Variants in STX18 observed in about 807,000 individuals in gnomAD.
STX18 encodes the protein syntaxin 18.
STX18 carries 40 observed loss-of-function variants against 50.1 expected under a neutral mutation model. The ratio of observed to expected loss-of-function variants is 0.80; its 90% CI spans 0.62 to 1.04. The LOEUF (loss-of-function observed/expected upper bound fraction) is 1.04. STX18 is among the 50% of genes least tolerant of loss of function. The pLI, the probability that STX18 is intolerant of heterozygous loss-of-function variation, is 0.00. For missense variants in STX18, 410 were observed against 415.8 expected, an observed-to-expected ratio of 0.99 and a Z score of 0.12; for synonymous variants, 158 against 151.8, an observed-to-expected ratio of 1.04 and a Z score of -0.30.
intron 5 of STX18, among the ~76,000 whole-genome samples, chr4:4,454,519 G>C (rs2108812109): frequency 6.6e-6 from 1 of 152,276 alleles, no homozygotes; most frequent in Middle Eastern, 3.4e-3. Flanking sequence ...GTGAGACCCA[G>C]TGACCACCAC....
chr4:4,500,564 C>T (rs1387880570), intron 1 of STX18, among the ~76,000 whole-genome samples: 1 of 152,166 alleles, frequency 6.6e-6, no homozygotes, highest in Non-Finnish European at 1.5e-5. Context: ...CAGAGGGAGT[C>T]CTGAAACCAA....
At position 4,425,074 on chromosome 4, in the gene STX18, G is replaced by C. The variant is rs974714162; in HGVS notation, c.761+90C>G. On this transcript the variant is annotated intron_variant, in intron 8 of 10. Transcript: ENST00000306200. ...CTGCACCAGCCCAAGGGCCCCATGGGGATGCCTGGGCACCAAGGTAAATAA... is the reference window on the plus strand; with the variant it reads ...CTGCACCAGCCCAAGGGCCCCATGGCGATGCCTGGGCACCAAGGTAAATAA... 2.2e-5 allele frequency: 27 copies of C among 1,245,438 alleles called. No homozygotes were observed. The African/African-American group carries it at 2.4e-4, about 11-fold the overall frequency. The allele number at this position is 1,245,438 out of a possible 1,614,324, so 77.1% of individuals were successfully genotyped here. A position where few individuals can be genotyped will look rare whatever the true frequency, so the allele number is the denominator to read the frequency against.
At chr4:4,427,752 C>T (rs1167237981) in intron 7 of STX18, among the ~76,000 whole-genome samples, 1 of 152,234 alleles carries the variant, frequency 6.6e-6, no homozygotes, top group Non-Finnish European at 1.5e-5. Flanking sequence ...GCGGCACCTC[C>T]TCTTAGGCCT....
intron 1 of STX18, among the ~76,000 whole-genome samples, chr4:4,501,353 C>T (rs1010646300): frequency 2.0e-5 from 3 of 152,180 alleles, no homozygotes; most frequent in Admixed American, 2.0e-4. Context: ...GCAGGCAGGC[C>T]ACACTCCAGG....
At chr4:4,521,065 T>C (rs977533672) in intron 1 of STX18, among the ~76,000 whole-genome samples, 18 of 152,138 alleles carry the variant, frequency 1.2e-4, no homozygotes, top group South Asian at 2.1e-4. Context: ...TACTCACCCA[T>C]CTAACCCACC....
In STX18 at chr4:4,457,318, T is replaced by C. The variant is rs148358484; in HGVS notation, c.431-61A>G. On this transcript the variant is annotated intron_variant, in intron 4 of 10. Coordinates refer to ENST00000306200, the MANE Select transcript of STX18 (RefSeq NM_016930.4). ...TAAAACAGCTTCTCAGGCAAAGCCA[T>C]CATTAAATATAATGAGATACTACAG... 2.0e-3 allele frequency: 3,106 copies of C among 1,577,756 alleles called. 26 individuals carry two copies. The highest frequency in any genetic ancestry group is 0.017 in the East Asian group (744 of 44,680).
chr4:4,505,537 T>A (rs758455013), intron 1 of STX18, among the ~76,000 whole-genome samples: 80 of 151,976 alleles, frequency 5.3e-4, no homozygotes, highest in Admixed American at 2.2e-3. Flanking sequence ...CCCAGCACTC[T>A]GGGAGGCCGA....
intron 1 of STX18, among the ~76,000 whole-genome samples, chr4:4,484,014 A>G: frequency 6.6e-6 from 1 of 152,022 alleles, no homozygotes; most frequent in Non-Finnish European, 1.5e-5. Flanking sequence ...GGTGCGTGCC[A>G]CCATGCCCAG....
intron 7 of STX18, among the ~76,000 whole-genome samples, chr4:4,427,958 T>C (rs1057286951): frequency 2.6e-5 from 4 of 152,214 alleles, no homozygotes; most frequent in African/African-American, 9.6e-5. Flanking sequence ...GGAGTTTTAA[T>C]GGAGAGCCGC....
intron 1 of STX18, among the ~76,000 whole-genome samples, chr4:4,489,645 T>C (rs1040376977): frequency 1.3e-5 from 2 of 152,022 alleles, no homozygotes; most frequent in Non-Finnish European, 2.9e-5. Context: ...TTTCTAGAAT[T>C]TAAAGAAACT....
At chr4:4,506,687 A>G (rs1241003307) in intron 1 of STX18, among the ~76,000 whole-genome samples, 2 of 152,214 alleles carry the variant, frequency 1.3e-5, no homozygotes, top group Non-Finnish European at 2.9e-5. Context: ...TATAGATACT[A>G]TGTTTTTTCT....
intron 1 of STX18, among the ~76,000 whole-genome samples, chr4:4,488,305 T>C (rs1384241201): frequency 6.6e-6 from 1 of 151,876 alleles, no homozygotes; most frequent in Non-Finnish European, 1.5e-5. Flanking sequence ...CTACTGACAT[T>C]TAAAAAAAAA....
At chr4:4,491,310 A>G (rs766527904) in intron 1 of STX18, among the ~76,000 whole-genome samples, 10 of 152,098 alleles carry the variant, frequency 6.6e-5, no homozygotes, top group Non-Finnish European at 1.5e-4. Context: ...TATAAATCTA[A>G]TTTCACTTTT....
At chr4:4,481,431 G>A (rs1728455755) in intron 1 of STX18, among the ~76,000 whole-genome samples, 1 of 152,124 alleles carries the variant, frequency 6.6e-6, no homozygotes. Flanking sequence ...AGGTCCCTCT[G>A]GCATATTGTA....
At chr4:4,445,972 A>G (rs1161245474) in intron 5 of STX18, among the ~76,000 whole-genome samples, 1 of 152,250 alleles carries the variant, frequency 6.6e-6, no homozygotes, top group Non-Finnish European at 1.5e-5. Flanking sequence ...TGGCAGTAGC[A>G]TAAGGACAAT....
rs1282265014 is a variant in STX18, at chr4:4,436,015, C to T, written c.614-1157G>A. On this transcript the variant is annotated intron_variant, in intron 6 of 10. Coordinates refer to ENST00000306200, the MANE Select transcript of STX18 (RefSeq NM_016930.4). The stretch of plus-strand genomic sequence containing the variant: ...GGGCTTATCAGTGAGCTTCCAAGTA[C>T]TCAAAGGCAAATACTGCTTCTTTTT... Among the ~76,000 whole-genome samples, 4 of 152,164 alleles carry T rather than the reference C, an allele frequency of 2.6e-5. No homozygotes were observed. The East Asian group carries it at 5.8e-4, about 22-fold the overall frequency.
chr4:4,488,758 A>G (rs1244028728), intron 1 of STX18, among the ~76,000 whole-genome samples: 1 of 152,228 alleles, frequency 6.6e-6, no homozygotes, highest in Non-Finnish European at 1.5e-5. Context: ...CTGAAACTCA[A>G]AAGAGCAAGT....
chr4:4,441,536 T>G (rs945878044), intron 5 of STX18, among the ~76,000 whole-genome samples: 5 of 151,878 alleles, frequency 3.3e-5, no homozygotes, highest in African/African-American at 9.7e-5. Flanking sequence ...GATAAAAAAC[T>G]AACAATATCA....
intron 1 of STX18, among the ~76,000 whole-genome samples, chr4:4,529,959 G>A (rs1297985762): frequency 6.6e-6 from 1 of 152,040 alleles, no homozygotes; most frequent in Non-Finnish European, 1.5e-5. Flanking sequence ...CTGAGTTACA[G>A]GAAAATTACT....
Sources: gnomAD v4.1 joint callset for allele counts (sites outside exome capture counted in the v4.1 genomes callset) on GRCh38, gnomAD v4.1.1 for gene constraint, MANE v1.5 for transcripts, NCBI Gene and HGNC (gene_info 2026-07-23, HGNC 2026-07-21) for gene names.